The following HERC1 variants were observed in gnomAD, a reference collection of about 807,000 sequenced individuals.
HERC1 encodes HECT and RLD domain containing E3 ubiquitin protein ligase family member 1, also known as probable E3 ubiquitin-protein ligase HERC1.
A neutral mutation model predicts 554.3 loss-of-function variants in HERC1; 160 were observed. The ratio of observed to expected loss-of-function variants is 0.29; its 90% CI spans 0.25 to 0.33. The LOEUF (loss-of-function observed/expected upper bound fraction) is 0.33. Among genes scored for constraint, HERC1 ranks in the 10% least tolerant of loss-of-function variants. The pLI, the probability that HERC1 is intolerant of heterozygous loss-of-function variation, is 1.00. For missense variants in HERC1, 4,919 were observed against 5,918.5 expected, an observed-to-expected ratio of 0.83 and a Z score of 5.54; for synonymous variants, 2,175 against 2,131.7, an observed-to-expected ratio of 1.02 and a Z score of -0.56.
At chr15:63,797,143 T>C (rs1219894558) in intron 1 of HERC1, among the ~76,000 whole-genome samples, 1 of 152,192 alleles carries the variant, frequency 6.6e-6, no homozygotes, top group Admixed American at 6.5e-5. Flanking sequence ...AGGATGATAA[T>C]AACCTTTCCC....
intron 46 of HERC1, among the ~76,000 whole-genome samples, chr15:63,660,332 A>ATAATAAAT (rs542221686): frequency 1.3e-5 from 2 of 151,028 alleles, no homozygotes; most frequent in African/African-American, 2.5e-5. Context: ...AGAAATAAAA[A>ATAATAAAT]CAATAAATAA....
intron 3 of HERC1, among the ~76,000 whole-genome samples, chr15:63,759,956 T>C (rs1410411261): frequency 6.6e-6 from 1 of 152,142 alleles, no homozygotes; most frequent in Non-Finnish European, 1.5e-5. Context: ...GGAATTTTGC[T>C]GGAGATAAAG....
At chr15:63,787,316 C>A (rs968086311) in intron 1 of HERC1, among the ~76,000 whole-genome samples, 1 of 151,788 alleles carries the variant, frequency 6.6e-6, no homozygotes, top group Non-Finnish European at 1.5e-5. Flanking sequence ...ACCACCACAC[C>A]CAGCTAATTT....
intron 43 of HERC1, among the ~76,000 whole-genome samples, chr15:63,663,528 T>A (rs1047416995): frequency 6.6e-6 from 1 of 152,242 alleles, no homozygotes; most frequent in Non-Finnish European, 1.5e-5. Flanking sequence ...CAATCCCAGC[T>A]CACTGTAACC....
intron 56 of HERC1, 110 bp downstream of exon 56, chr15:63,645,373 T>C (rs2069282475): frequency 7.7e-6 from 6 of 774,336 alleles, no homozygotes; most frequent in Admixed American, 3.0e-5. Context: ...ATTATAAGAA[T>C]AGCAACTGGC....
At chr15:63,803,692 C>T (rs767327197) in intron 1 of HERC1, among the ~76,000 whole-genome samples, 1 of 152,186 alleles carries the variant, frequency 6.6e-6, no homozygotes, top group Non-Finnish European at 1.5e-5. Flanking sequence ...ATACATTCCT[C>T]CTAACCACTC....
In HERC1 at chr15:63,727,819, A is replaced by T; in HGVS notation, c.3174T>A (p.Ala1058=). ...CAATCTGGCAGAGCATACTGCCAGCAGCTGAGACGTATATCACATCTATGA... is the reference window on the plus strand; with the variant it reads ...CAATCTGGCAGAGCATACTGCCAGCTGCTGAGACGTATATCACATCTATGA... ...EKLRDVIYVS[A]AGSMLCQIVN... Residue 1058 remains alanine (A), a synonymous_variant, in exon 17 of 78, where the codon GCT becomes GCA. Coordinates refer to ENST00000443617, the MANE Select transcript of HERC1 (RefSeq NM_003922.4). The surrounding 1 kb of genome is among the most constrained non-coding windows in gnomAD (Gnocchi z 4.3). 1.9e-6 allele frequency: 3 copies of T among 1,613,076 alleles called. No homozygotes were observed. The highest frequency in any genetic ancestry group is 2.5e-6 in the Non-Finnish European group (3 of 1,179,204).
rs747430535 is a variant in HERC1, at chr15:63,638,779, G to A, written c.11902-3C>T. The A allele has an allele frequency of 9.9e-6, 16 of 1,611,776 alleles. No homozygotes were observed. In the South Asian group the frequency reaches 1.5e-4, roughly 15 times the overall value. ...CCGTTAATCCATTTACTGTTATCCT[G>A]AAAAACAGGGGGTACATAATGATCA... On this transcript the variant is annotated splice_polypyrimidine_tract_variant and splice_region_variant and intron_variant, in intron 61 of 77. Transcript: ENST00000443617.
intron 25 of HERC1, among the ~76,000 whole-genome samples, chr15:63,704,734 A>AT (rs567922548): frequency 0.023 from 2,034 of 88,402 alleles, 83 homozygotes; most frequent in African/African-American, 0.071. Context: ...ATACTCTGTA[A>AT]TTTTTTTTTT....
At position 63,758,397 on chromosome 15, in the gene HERC1, A is replaced by C; in HGVS notation, c.1027-28T>G. 1 of 1,523,900 alleles carries C rather than the reference A, an allele frequency of 6.6e-7. No individual in the cohort carries two copies. Among genetic ancestry groups the C allele is most frequent in the Non-Finnish European group, 9.0e-7 (1 of 1,113,640 alleles). The allele number at this position is 1,523,900 out of a possible 1,614,324, so 94.4% of individuals were successfully genotyped here. Reference sequence around the variant, plus strand: ...ATTAAAAATTTAAAATATGCAACAAATAGTCAAGACAGTTTTAGTCTGGGC... The same window carrying C: ...ATTAAAAATTTAAAATATGCAACAACTAGTCAAGACAGTTTTAGTCTGGGC... On this transcript the variant is annotated intron_variant, in intron 3 of 77. Coordinates refer to ENST00000443617, the MANE Select transcript of HERC1 (RefSeq NM_003922.4). The surrounding 1 kb of genome is among the most constrained non-coding windows in gnomAD (Gnocchi z 4.0).
Position 63,729,256 on chromosome 15 carries a change from C to T in HERC1, c.3134G>A (p.Ser1045Asn). Residue 1045 changes from serine (S) to asparagine (N), a missense_variant, in exon 16 of 78, where the codon AGT becomes AAT. Transcript: ENST00000443617. ...NLLKESPWNG[S>N]VGEKLRDVIY... is the part of the protein sequence containing the mutation. ...CTCACCTCTTAATTTTTCTCCAACA[C>T]TGCCATTCCAAGGACTTTCTTTGAG... The T allele has an allele frequency of 2.5e-6, 4 of 1,603,902 alleles. No individual in the cohort carries two copies. Among genetic ancestry groups the T allele is most frequent in the Non-Finnish European group, 3.4e-6 (4 of 1,177,228 alleles).
chr15:63,790,974 G>A (rs528994233), intron 1 of HERC1, among the ~76,000 whole-genome samples: 49 of 151,966 alleles, frequency 3.2e-4, no homozygotes, highest in African/African-American at 1.2e-3. Context: ...TTGTTTTTAC[G>A]AACATCATTT....
intron 75 of HERC1, 53 bp downstream of exon 75, chr15:63,616,377 C>A: frequency 1.3e-6 from 2 of 1,551,554 alleles, no homozygotes; most frequent in South Asian, 2.4e-5. Context: ...AAATTCTAGT[C>A]TGTGCATATA....
chr15:63,661,240 A>G (rs2070342339), intron 45 of HERC1, among the ~76,000 whole-genome samples: 1 of 152,224 alleles, frequency 6.6e-6, no homozygotes, highest in Admixed American at 6.5e-5. Context: ...ACTACTGGGG[A>G]GATTTCTGGG....
Position 63,686,501 on chromosome 15 carries a change from AG to A in HERC1, c.6082del (p.Leu2028PhefsTer17). ...GTCAAAGGATACTTCTTGGATAGGAAGATTCTCATCTTCTTCTTCCAACTCG... is the reference window on the plus strand; with the variant it reads ...GTCAAAGGATACTTCTTGGATAGGAAATTCTCATCTTCTTCTTCCAACTCG... The part of the protein sequence containing the change: ...QGELEEEDEN[L>X]PIQEVSFDPE... On this transcript the variant is annotated frameshift_variant, in exon 34 of 78. Transcript: ENST00000443617. LOFTEE classifies it high-confidence loss of function. The A allele has an allele frequency of 1.2e-6, 2 of 1,613,636 alleles. No homozygotes were observed. The highest frequency in any genetic ancestry group is 1.7e-6 in the Non-Finnish European group (2 of 1,179,758).
intron 71 of HERC1, among the ~76,000 whole-genome samples, chr15:63,624,553 G>A (rs1479081033): frequency 6.6e-6 from 1 of 152,058 alleles, no homozygotes; most frequent in African/African-American, 2.4e-5. Context: ...AAATTAGCTG[G>A]GCATGGTGGC....
intron 32 of HERC1, among the ~76,000 whole-genome samples, chr15:63,690,165 T>TAAA (rs1296176846): frequency 1.1e-5 from 1 of 87,278 alleles, no homozygotes; most frequent in African/African-American, 5.0e-5. Flanking sequence ...AGACTCCATC[T>TAAA]CAAAAAAAAA....
intron 51 of HERC1, among the ~76,000 whole-genome samples, chr15:63,652,927 GGCATAAGCCACCACACCCA>G (rs1219196908): frequency 6.6e-6 from 1 of 152,152 alleles, no homozygotes; most frequent in Non-Finnish European, 1.5e-5. Flanking sequence ...TGGGATTACA[GGCATAAGCCACCACACCCA>G]GCCTCCATTC....
intron 1 of HERC1, among the ~76,000 whole-genome samples, chr15:63,811,279 T>C (rs762098109): frequency 3.3e-5 from 5 of 152,212 alleles, no homozygotes; most frequent in Middle Eastern, 3.2e-3. Flanking sequence ...CATGCCAATG[T>C]ACTGGGAGAG....
Sources: allele counts gnomAD v4.1 joint callset (sites outside exome capture counted in the v4.1 genomes callset), GRCh38; gene constraint gnomAD v4.1.1; non-coding constraint Gnocchi (gnomAD v3.1); transcripts MANE v1.5; gene names NCBI Gene and HGNC (gene_info 2026-07-23, HGNC 2026-07-21).